Variants in ACSS1 observed in about 807,000 individuals in gnomAD.
ACSS1 encodes acyl-CoA synthetase short chain family member 1.
In ACSS1, 42 loss-of-function variants were observed where a neutral mutation model predicts 75.3. The observed-to-expected ratio is 0.56, with a 90% CI of 0.44 to 0.72. The LOEUF (loss-of-function observed/expected upper bound fraction) is 0.72, where lower values mean the gene tolerates loss of function less well. ACSS1 is among the 30% of genes least tolerant of loss of function. ACSS1 has a pLI of 0.00. For missense variants in ACSS1, 782 were observed against 935.7 expected, an observed-to-expected ratio of 0.84 and a Z score of 2.14; for synonymous variants, 380 against 376.8, an observed-to-expected ratio of 1.01 and a Z score of -0.10.
chr20:25,009,186 AAT>A, intron 13 of ACSS1, 82 bp downstream of exon 13: 1 of 1,207,252 alleles, frequency 8.3e-7, no homozygotes, highest in Non-Finnish European at 1.2e-6. Flanking sequence ...GGAAAAGAGT[AAT>A]ATGCTCCTAA....
intron 13 of ACSS1, 141 bp from the exon 14 acceptor site, chr20:25,008,082 C>A: frequency 8.8e-7 from 1 of 1,140,144 alleles, no homozygotes; most frequent in Admixed American, 2.8e-5. Flanking sequence ...GCCTCCACCC[C>A]AGAGAACGGT....
chr20:25,022,718 G>A (rs368171881), intron 5 of ACSS1, among the ~76,000 whole-genome samples: 4 of 152,288 alleles, frequency 2.6e-5, no homozygotes, highest in African/African-American at 4.8e-5. Flanking sequence ...TACATGATCA[G>A]ATTATCTGGG....
chr20:25,040,215 T>A (rs2088978974), intron 2 of ACSS1, among the ~76,000 whole-genome samples: 2 of 152,196 alleles, frequency 1.3e-5, no homozygotes, highest in Non-Finnish European at 2.9e-5. Context: ...ACATGCCCTC[T>A]GTTCCGTCTC....
Position 25,051,357 on chromosome 20 carries a change from T to C in ACSS1, c.335-3176A>G, listed in dbSNP as rs750536983. The stretch of plus-strand genomic sequence containing the variant: ...TGCGTCCTCGAGCCAAAGGGTCATA[T>C]TGAGGTGTAACTGGCACCAGGTGGT... On this transcript the variant is annotated intron_variant, in intron 1 of 13. Coordinates refer to ENST00000323482, the MANE Select transcript of ACSS1 (RefSeq NM_032501.4). Among the ~76,000 whole-genome samples, 7 of 152,326 alleles carry C rather than the reference T, an allele frequency of 4.6e-5. No homozygotes were observed. In the East Asian group the frequency reaches 7.7e-4, roughly 17 times the overall value.
In ACSS1 at chr20:25,021,386, T is replaced by C. The variant is rs1485980593; in HGVS notation, c.1108+3A>G. ...GGTCCCAAACAGGGTTCACCATCCTTACCAGCATTGGGATAAACTGGGGTG... is the reference window on the plus strand; with the variant it reads ...GGTCCCAAACAGGGTTCACCATCCTCACCAGCATTGGGATAAACTGGGGTG... On this transcript the variant is annotated splice_donor_region_variant and intron_variant, in intron 6 of 13. Transcript: ENST00000323482. The C allele has an allele frequency of 7.4e-6, 12 of 1,613,674 alleles. No individual in the cohort carries two copies. Among genetic ancestry groups the C allele is most frequent in the Non-Finnish European group, 1.0e-5 (12 of 1,179,788 alleles).
chr20:25,007,567 G>A lies in ACSS1; in HGVS notation c.*195C>T, dbSNP rs1463628093. 7.0e-7 allele frequency: 1 copy of A among 1,426,766 alleles called. No homozygotes were observed. The highest frequency in any genetic ancestry group is 1.4e-5 in the African/African-American group (1 of 69,756). The allele number at this position is 1,426,766 out of a possible 1,614,324, so 88.4% of individuals were successfully genotyped here. A position where few individuals can be genotyped will look rare whatever the true frequency, so the allele number is the denominator to read the frequency against. On this transcript the variant is annotated 3_prime_UTR_variant, in exon 14 of 14. Coordinates refer to ENST00000323482, the MANE Select transcript of ACSS1 (RefSeq NM_032501.4). Reference sequence around the variant, plus strand: ...GCCATGTCGCATAGCCTCTCCATGGGTGACACTCCTGGGACCTCCAATGGA... The same window carrying A: ...GCCATGTCGCATAGCCTCTCCATGGATGACACTCCTGGGACCTCCAATGGA...
intron 6 of ACSS1, among the ~76,000 whole-genome samples, chr20:25,021,039 G>A (rs960170401): frequency 6.6e-6 from 1 of 152,244 alleles, no homozygotes; most frequent in African/African-American, 2.4e-5. Context: ...GTGGCGGGCA[G>A]CTGGCCCTGG....
At chr20:25,043,322 G>A (rs1365799273) in intron 2 of ACSS1, among the ~76,000 whole-genome samples, 3 of 152,196 alleles carry the variant, frequency 2.0e-5, no homozygotes, top group Non-Finnish European at 2.9e-5. Context: ...TGTGTTCGAA[G>A]ACATCCAGGG....
intron 6 of ACSS1, among the ~76,000 whole-genome samples, chr20:25,020,937 G>T (rs1422791063): frequency 1.3e-5 from 2 of 152,260 alleles, no homozygotes; most frequent in African/African-American, 4.8e-5. Context: ...TCTTCAAAGT[G>T]ATCTCAATTT....
At chr20:25,008,341 A>T (rs2088347297) in intron 13 of ACSS1, among the ~76,000 whole-genome samples, 1 of 152,254 alleles carries the variant, frequency 6.6e-6, no homozygotes, top group Non-Finnish European at 1.5e-5. Context: ...GAACTACTTA[A>T]GAGAAAAATT....
At chr20:25,026,587 C>T (rs997509168) in intron 3 of ACSS1, among the ~76,000 whole-genome samples, 8 of 152,208 alleles carry the variant, frequency 5.3e-5, no homozygotes, top group African/African-American at 1.9e-4. Context: ...AGAAAACAGC[C>T]ATTCCCCTGT....
chr20:25,021,363 T>C, intron 6 of ACSS1, 26 bp downstream of exon 6: 1 of 1,610,598 alleles, frequency 6.2e-7, no homozygotes, highest in South Asian at 1.1e-5. Context: ...CAGCATGGGG[T>C]CCCAAACAGG....
chr20:25,013,487 C>G, intron 10 of ACSS1, 49 bp downstream of exon 10: 2 of 1,552,094 alleles, frequency 1.3e-6, no homozygotes, highest in Non-Finnish European at 1.7e-6. Flanking sequence ...GAATAAGATT[C>G]CAGCAGTCAG....
At chr20:25,009,533 T>C in intron 12 of ACSS1, 145 bp from the exon 13 acceptor site, 1 of 686,600 alleles carries the variant, frequency 1.5e-6, no homozygotes, top group Admixed American at 2.4e-5. Flanking sequence ...GTTTCTTTAG[T>C]TGCAAACCCA....
rs145104597 is a variant in ACSS1, at chr20:25,039,895, G to A, written c.431+8190C>T. ...CACAAAGCCCAGCTCACATGACTGC[G>A]GGAACCAGGTGTCAATGCCTGAAGA... On this transcript the variant is annotated intron_variant, in intron 2 of 13. Coordinates refer to ENST00000323482, the MANE Select transcript of ACSS1 (RefSeq NM_032501.4). 3.9e-4 allele frequency among the ~76,000 whole-genome samples: 60 copies of A among 152,334 alleles called. No individual in the cohort carries two copies. In the East Asian group the frequency reaches 9.3e-3, roughly 24 times the overall value.
At chr20:25,026,645 T>G (rs2088724660) in intron 3 of ACSS1, among the ~76,000 whole-genome samples, 1 of 152,212 alleles carries the variant, frequency 6.6e-6, no homozygotes, top group Admixed American at 6.5e-5. Flanking sequence ...AATACTAAAA[T>G]TTATTGTTTT....
chr20:25,057,875 C>T lies in ACSS1; in HGVS notation c.228G>A (p.Leu76=). ...TGTCCCACACGAGAGTGTCCCGCGC[C>T]AGAGGCCCCCAGAAGGCGGCCGGCT... The part of the protein sequence containing the change: ...AREPAAFWGP[L]ARDTLVWDTP... The change falls in exon 1 of 14, where the codon CTG becomes CTA. Residue 76 remains leucine, a synonymous_variant. Transcript: ENST00000323482. 6.2e-7 allele frequency: 1 copy of T among 1,612,636 alleles called. No individual in the cohort carries two copies. Among genetic ancestry groups the T allele is most frequent in the Non-Finnish European group, 8.5e-7 (1 of 1,179,654 alleles).
At chr20:25,022,126 G>A (rs948670749) in intron 5 of ACSS1, among the ~76,000 whole-genome samples, 1 of 152,180 alleles carries the variant, frequency 6.6e-6, no homozygotes, top group African/African-American at 2.4e-5. Context: ...AGAGGCCAAG[G>A]CGGGCAGATC....
chr20:25,028,750 T>C (rs988917185), intron 3 of ACSS1, among the ~76,000 whole-genome samples: 1 of 152,150 alleles, frequency 6.6e-6, no homozygotes, highest in Non-Finnish European at 1.5e-5. Context: ...TGAAATCCTG[T>C]TTCTACTAAA....
Sources: allele counts gnomAD v4.1 joint callset (sites outside exome capture counted in the v4.1 genomes callset), GRCh38; gene constraint gnomAD v4.1.1; transcripts MANE v1.5; gene names NCBI Gene and HGNC (gene_info 2026-07-23, HGNC 2026-07-21).